KIAA1328: variants seen among roughly 807,000 people sequenced by gnomAD.
KIAA1328 encodes KIAA1328, also known as protein hinderin.
In KIAA1328, 52 loss-of-function variants were observed where a neutral mutation model predicts 68.1. That is an observed-to-expected ratio of 0.76 (90% CI 0.61 to 0.96). The LOEUF (loss-of-function observed/expected upper bound fraction) is 0.96. Among genes scored for constraint, KIAA1328 ranks in the 40% least tolerant of loss-of-function variants. The pLI, the probability that KIAA1328 is intolerant of heterozygous loss-of-function variation, is 0.00. For synonymous variants in KIAA1328, 232 were observed against 239.4 expected (o/e 0.97, Z 0.28); for missense variants, 641 against 677.6 (o/e 0.95, Z 0.60).
At chr18:36,957,874 A>G (rs959235308) in intron 5 of KIAA1328, among the ~76,000 whole-genome samples, 3 of 152,114 alleles carry the variant, frequency 2.0e-5, no homozygotes, top group African/African-American at 7.2e-5. Context: ...AGTATATTCC[A>G]AAAATGTGCA....
rs117840740 is a variant in KIAA1328, at chr18:36,957,165, C to T, written c.449-2143C>T. Reference sequence around the variant, plus strand: ...CAAAAGTTATTAGAGCAAGAATCTGCCCCGAAGCAATGATTAGGTTATGAA... The same window carrying T: ...CAAAAGTTATTAGAGCAAGAATCTGTCCCGAAGCAATGATTAGGTTATGAA... On this transcript the variant is annotated intron_variant, in intron 5 of 9. Coordinates refer to ENST00000280020, the MANE Select transcript of KIAA1328 (RefSeq NM_020776.3). Among the ~76,000 whole-genome samples the T allele has an allele frequency of 3.3e-5, 5 of 152,240 alleles. No individual in the cohort carries two copies. In the East Asian group the frequency reaches 9.6e-4, roughly 29 times the overall value.
intron 7 of KIAA1328, among the ~76,000 whole-genome samples, chr18:37,074,103 T>C (rs1045258046): frequency 1.3e-5 from 2 of 152,212 alleles, no homozygotes; most frequent in African/African-American, 4.8e-5. Context: ...GACCACAGTT[T>C]TTCCCATGTT....
At chr18:36,838,934 C>T (rs543220057) in intron 3 of KIAA1328, among the ~76,000 whole-genome samples, 3 of 152,250 alleles carry the variant, frequency 2.0e-5, no homozygotes, top group African/African-American at 2.4e-5. Flanking sequence ...GGGGTTTCAC[C>T]ATGTTGGTCA....
chr18:37,027,031 G>A (rs1392447165), intron 6 of KIAA1328, among the ~76,000 whole-genome samples: 2 of 152,068 alleles, frequency 1.3e-5, no homozygotes, highest in Non-Finnish European at 2.9e-5. Flanking sequence ...AAAGTCTCTG[G>A]ATACAAAATC....
chr18:36,879,795 C>A (rs1479546503), intron 4 of KIAA1328, among the ~76,000 whole-genome samples: 2 of 152,202 alleles, frequency 1.3e-5, no homozygotes, highest in Admixed American at 6.5e-5. Context: ...GTTCCACACC[C>A]AGTTCAAACT....
At position 37,075,973 on chromosome 18, in the gene KIAA1328, C is replaced by T. The variant is rs1439464387; in HGVS notation, c.1232+8428C>T. Among the ~76,000 whole-genome samples, 3 of 152,092 alleles carry T rather than the reference C, an allele frequency of 2.0e-5. No homozygotes were observed. In the East Asian group the frequency reaches 5.8e-4, roughly 29 times the overall value. ...CCCAGGAATTGAACTCAGCTCTGCA[C>T]CAAGCGGACCTAATAGACATCTACA... On this transcript the variant is annotated intron_variant, in intron 7 of 9. Transcript: ENST00000280020.
At chr18:37,124,276 G>T (rs983676925) in intron 7 of KIAA1328, among the ~76,000 whole-genome samples, 9 of 152,056 alleles carry the variant, frequency 5.9e-5, no homozygotes, top group African/African-American at 2.2e-4. Flanking sequence ...TTTGTACCTG[G>T]TTGCTCAAGC....
intron 7 of KIAA1328, among the ~76,000 whole-genome samples, chr18:37,153,367 C>T (rs182778282): frequency 6.6e-6 from 1 of 152,142 alleles, no homozygotes; most frequent in African/African-American, 2.4e-5. Context: ...TGAATGATGC[C>T]ACTTCAGTTA....
At chr18:36,973,321 C>T (rs8093040) in intron 6 of KIAA1328, among the ~76,000 whole-genome samples, 88,302 of 147,364 alleles carry the variant, frequency 0.6, 28,103 homozygotes, top group East Asian at 0.87. Flanking sequence ...CCAGGCCCTG[C>T]TGGGGGGTCG....
At position 37,029,566 on chromosome 18, in the gene KIAA1328, G is replaced by A. The variant is rs1458538669; in HGVS notation, c.577-37324G>A. Among the ~76,000 whole-genome samples, 6 of 152,046 alleles carry A rather than the reference G, an allele frequency of 3.9e-5. No homozygotes were observed. In the South Asian group the frequency reaches 6.2e-4, roughly 16 times the overall value. The stretch of plus-strand genomic sequence containing the variant: ...TTTTTTGTAGAGACAGGGTTTCACC[G>A]TGTTGCCAGGTACGTGTCAAGTTTT... On this transcript the variant is annotated intron_variant, in intron 6 of 9. Coordinates refer to ENST00000280020, the MANE Select transcript of KIAA1328 (RefSeq NM_020776.3).
chr18:36,900,774 G>A (rs1233507599), intron 5 of KIAA1328, among the ~76,000 whole-genome samples: 1 of 151,882 alleles, frequency 6.6e-6, no homozygotes, highest in Non-Finnish European at 1.5e-5. Context: ...ATTTGACATC[G>A]TTAAATTTTA....
chr18:36,907,207 T>C (rs1292703939), intron 5 of KIAA1328, among the ~76,000 whole-genome samples: 1 of 152,092 alleles, frequency 6.6e-6, no homozygotes, highest in African/African-American at 2.4e-5. Context: ...TTGCAGTTTT[T>C]ATGTGAGCAA....
chr18:36,871,804 G>A (rs1383379372), intron 4 of KIAA1328, among the ~76,000 whole-genome samples: 2 of 152,054 alleles, frequency 1.3e-5, no homozygotes, highest in Non-Finnish European at 2.9e-5. Flanking sequence ...AAAGACAGGT[G>A]TGAGTCCCAG....
At chr18:36,922,670 AT>A (rs1169761743) in intron 5 of KIAA1328, among the ~76,000 whole-genome samples, 1 of 152,058 alleles carries the variant, frequency 6.6e-6, no homozygotes, top group Non-Finnish European at 1.5e-5. Context: ...TGGACAGATA[AT>A]TTTTTCTTTC....
At chr18:36,992,405 C>A (rs2151420879) in intron 6 of KIAA1328, among the ~76,000 whole-genome samples, 2 of 146,672 alleles carry the variant, frequency 1.4e-5, no homozygotes, top group African/African-American at 5.1e-5. Context: ...GCAATTAATT[C>A]TGGGAATTGA....
At chr18:37,163,015 A>G (rs1249677218) in intron 8 of KIAA1328, among the ~76,000 whole-genome samples, 3 of 152,254 alleles carry the variant, frequency 2.0e-5, no homozygotes, top group Non-Finnish European at 4.4e-5. Flanking sequence ...TTTATTGAGC[A>G]ATGTCAAACA....
chr18:37,201,156 G>A (rs1247884809), intron 9 of KIAA1328, among the ~76,000 whole-genome samples: 1 of 152,100 alleles, frequency 6.6e-6, no homozygotes, highest in Non-Finnish European at 1.5e-5. Flanking sequence ...AACATCTTTA[G>A]TCTTTATAAT....
chr18:37,197,636 C>T (rs1440855552), intron 9 of KIAA1328, among the ~76,000 whole-genome samples: 3 of 152,018 alleles, frequency 2.0e-5, no homozygotes, highest in Non-Finnish European at 4.4e-5. Flanking sequence ...AGAACTAGAC[C>T]ACATCTTCCT....
At chr18:37,088,257 A>G (rs2057163380) in intron 7 of KIAA1328, among the ~76,000 whole-genome samples, 1 of 152,186 alleles carries the variant, frequency 6.6e-6, no homozygotes, top group African/African-American at 2.4e-5. Flanking sequence ...TTGCAGCTTC[A>G]TAGGTTTTAT....
Sources: allele counts gnomAD v4.1 joint callset (sites outside exome capture counted in the v4.1 genomes callset), GRCh38; gene constraint gnomAD v4.1.1; transcripts MANE v1.5; gene names NCBI Gene and HGNC (gene_info 2026-07-23, HGNC 2026-07-21).